The following ARFGEF1 variants were observed in gnomAD, a reference collection of about 807,000 sequenced individuals.
ARFGEF1 encodes brefeldin A-inhibited guanine nucleotide-exchange protein 1.
A neutral mutation model predicts 231.0 loss-of-function variants in ARFGEF1; 42 were observed. The observed-to-expected ratio is 0.18, with a 90% CI of 0.14 to 0.24. The LOEUF (loss-of-function observed/expected upper bound fraction) is 0.24. Ranked by LOEUF, ARFGEF1 falls within the 10% of genes least tolerant of loss-of-function variation. The pLI is 1.00. For synonymous variants in ARFGEF1, 710 were observed against 732.3 expected (o/e 0.97, Z 0.49); for missense variants, 1,345 against 2,192.0 (o/e 0.61, Z 7.72).
At chr8:67,312,319 T>C (rs1469074496) in intron 1 of ARFGEF1, among the ~76,000 whole-genome samples, 1 of 144,822 alleles carries the variant, frequency 6.9e-6, no homozygotes, top group African/African-American at 2.5e-5. Context: ...TGAAAGCAGG[T>C]AGAAAGAAAT....
At chr8:67,223,094 T>C (rs2128869623) in intron 29 of ARFGEF1, among the ~76,000 whole-genome samples, 1 of 152,346 alleles carries the variant, frequency 6.6e-6, no homozygotes, top group East Asian at 1.9e-4. Context: ...CCTGACTATA[T>C]TTGGGACTTT....
Position 67,273,419 on chromosome 8 carries a change from C to CAAAAAA in ARFGEF1, c.1338-1489_1338-1484dup, listed in dbSNP as rs58580002. Among the ~76,000 whole-genome samples the CAAAAAA allele has an allele frequency of 2.5e-4, 14 of 56,614 alleles. 1 individual carries two copies. Among genetic ancestry groups the CAAAAAA allele is most frequent in the African/African-American group, 9.4e-4 (14 of 14,934 alleles). 37.1% of individuals were successfully genotyped at this position (56,614 alleles called of 152,430 possible). A position where few individuals can be genotyped will look rare whatever the true frequency, so the allele number is the denominator to read the frequency against. ...TAGCAGTTGGTTTTTTTTTTTTTCC[C>CAAAAAA]AAAAAAAAAAAAAAAAAAAAAAAAA... On this transcript the variant is annotated intron_variant, in intron 9 of 38. Transcript: ENST00000262215.
At chr8:67,306,135 A>G (rs1171475505) in intron 1 of ARFGEF1, among the ~76,000 whole-genome samples, 2 of 152,212 alleles carry the variant, frequency 1.3e-5, no homozygotes, top group Non-Finnish European at 2.9e-5. Context: ...CTGAATTGCC[A>G]GCATCACCAC....
Position 67,283,013 on chromosome 8 carries a change from CAA to C in ARFGEF1, c.1027+4940_1027+4941del, listed in dbSNP as rs143331683. On this transcript the variant is annotated intron_variant, in intron 7 of 38. Transcript: ENST00000262215. ...AAAAGAAAGAAAAGGAAAAAATAGG[CAA>C]AAGACAAGAATAGTAATTCAAAAAA... Among the ~76,000 whole-genome samples the C allele has an allele frequency of 7.0e-3, 1,056 of 151,692 alleles. 13 individuals are homozygous for C. The highest frequency in any genetic ancestry group is 0.029 in the South Asian group (138 of 4,798).
intron 3 of ARFGEF1, among the ~76,000 whole-genome samples, chr8:67,300,915 G>A (rs1375469853): frequency 2.0e-5 from 3 of 151,276 alleles, no homozygotes; most frequent in East Asian, 1.9e-4. Flanking sequence ...ATGTAAAGTC[G>A]GCAGCAGGTT....
chr8:67,247,836 T>C (rs1202597335), intron 19 of ARFGEF1, among the ~76,000 whole-genome samples: 1 of 150,508 alleles, frequency 6.6e-6, no homozygotes, highest in Non-Finnish European at 1.5e-5. Flanking sequence ...CAAAGAACTA[T>C]TAGAACTGAT....
At chr8:67,173,738 G>A (rs574514526), downstream of ARFGEF1, 24 of 152,108 alleles carry the variant, frequency 1.6e-4, no homozygotes, top group Admixed American at 4.6e-4. Flanking sequence ...TATCAATTAC[G>A]TATACTGTTA....
chr8:67,187,680 T>C (rs960170437), intron 5 of ARFGEF1, among the ~76,000 whole-genome samples: 9 of 152,000 alleles, frequency 5.9e-5, no homozygotes, highest in African/African-American at 2.2e-4. Context: ...AAAGACCTTG[T>C]CTCAAAAAAA....
intron 5 of ARFGEF1, among the ~76,000 whole-genome samples, chr8:67,176,597 G>T (rs1249241406): frequency 6.6e-6 from 1 of 152,130 alleles, no homozygotes; most frequent in Non-Finnish European, 1.5e-5. Context: ...CAGTCTGGTG[G>T]CATTTTTCTT....
chr8:67,254,832 G>A (rs1290295015), intron 17 of ARFGEF1, among the ~76,000 whole-genome samples: 1 of 151,626 alleles, frequency 6.6e-6, no homozygotes, highest in Non-Finnish European at 1.5e-5. Flanking sequence ...GTTTTCAAGT[G>A]TTTAACGTAT....
At chr8:67,242,833 T>C (rs928460523) in intron 19 of ARFGEF1, among the ~76,000 whole-genome samples, 2 of 152,102 alleles carry the variant, frequency 1.3e-5, no homozygotes, top group Non-Finnish European at 2.9e-5. Context: ...CAAGACAAGC[T>C]CATGAGAGAG....
Position 67,301,271 on chromosome 8 carries a change from G to T in ARFGEF1, c.265C>A (p.Gln89Lys), listed in dbSNP as rs1806477079. The T allele has an allele frequency of 6.2e-7, 1 of 1,613,836 alleles. No individual in the cohort carries two copies. The highest frequency in any genetic ancestry group is 1.3e-5 in the African/African-American group (1 of 74,900). Residue 89 changes from glutamine to lysine, a missense_variant, in exon 3 of 39, where the codon CAG (glutamine) becomes AAG (lysine). This residue lies in a region of ARFGEF1 where 398 missense variants were observed against 463.2 expected (regional missense o/e 0.86). Coordinates refer to ENST00000262215, the MANE Select transcript of ARFGEF1 (RefSeq NM_006421.5). ...KYFLPFELAC[Q>K]SKCPRIVSTS... ...CTAACTATGCGAGGACATTTGGACT[G>T]GCATGCCAACTCAAAAGGCAAGAAG...
In ARFGEF1 at chr8:67,306,837, G is replaced by C. The variant is rs551101991; in HGVS notation, c.125-4371C>G. On this transcript the variant is annotated intron_variant, in intron 1 of 38. Transcript: ENST00000262215. ...CTGTTGCCCAGGCTGAAGTGCAGTG[G>C]TGCGATCTCAGCTTGCTGCAACCTC... Among the ~76,000 whole-genome samples, 483 of 152,332 alleles carry C rather than the reference G, an allele frequency of 3.2e-3. 1 individual carries two copies. Among genetic ancestry groups the C allele is most frequent in the Middle Eastern group, 0.017 (5 of 294 alleles).
rs146937923 is a variant in ARFGEF1 at position 67,236,785 on chromosome 8, T to C, written c.3289+1558A>G. ...AGAATGGTCTGGAAGCCTGAACTGT[T>C]TTTCATTTCTAGGCCTCAATGTGTG... On this transcript the variant is annotated intron_variant, in intron 22 of 38. Transcript: ENST00000262215. Among the ~76,000 whole-genome samples, 461 of 152,276 alleles carry C rather than the reference T, an allele frequency of 3.0e-3. 6 individuals are homozygous for C. Among genetic ancestry groups the C allele is most frequent in the African/African-American group, 9.7e-3 (403 of 41,566 alleles).
intron 29 of ARFGEF1, among the ~76,000 whole-genome samples, chr8:67,220,151 T>G (rs1460881224): frequency 1.3e-5 from 2 of 152,258 alleles, no homozygotes; most frequent in Non-Finnish European, 2.9e-5. Context: ...AATAAATATT[T>G]GCTGAATAAA....
At chr8:67,303,133 G>A (rs760573481) in intron 1 of ARFGEF1, among the ~76,000 whole-genome samples, 4 of 151,846 alleles carry the variant, frequency 2.6e-5, no homozygotes, top group Non-Finnish European at 5.9e-5. Context: ...ACAGAATAAT[G>A]TGTATGCTAT....
intron 18 of ARFGEF1, among the ~76,000 whole-genome samples, chr8:67,252,867 T>C (rs1587139038): frequency 6.6e-6 from 1 of 152,146 alleles, no homozygotes; most frequent in East Asian, 1.9e-4. Context: ...TCATCCCTAC[T>C]TCCAGCTTCC....
intron 38 of ARFGEF1, 180 bp from the exon 39 acceptor site, chr8:67,199,278 A>C: frequency 1.7e-6 from 1 of 602,238 alleles, no homozygotes; most frequent in Non-Finnish European, 2.8e-6. Context: ...CACTTCATAC[A>C]AACACTATTC....
At chr8:67,199,343 T>C (rs2129577122) in intron 38 of ARFGEF1, 1 of 372,140 alleles carries the variant, frequency 2.7e-6, no homozygotes, top group East Asian at 5.8e-5. Flanking sequence ...GACAAACTTT[T>C]AGTAATTTAG....
Sources: allele counts gnomAD v4.1 joint callset (sites outside exome capture counted in the v4.1 genomes callset), GRCh38; gene constraint gnomAD v4.1.1; regional missense constraint gnomAD v4.1.1; transcripts MANE v1.5; gene names NCBI Gene and HGNC (gene_info 2026-07-23, HGNC 2026-07-21).